RPTOR: variants seen among roughly 807,000 people sequenced by gnomAD.
RPTOR encodes the protein regulatory associated protein of MTOR complex 1, also known as regulatory-associated protein of mTOR.
RPTOR carries 21 observed loss-of-function variants against 169.9 expected under a neutral mutation model. The ratio of observed to expected loss-of-function variants is 0.12; its 90% CI spans 0.09 to 0.18. RPTOR has a LOEUF of 0.18. RPTOR is among the 10% of genes least tolerant of loss of function. The probability of loss-of-function intolerance (pLI) is 1.00; values close to 1 mark genes in which losing one functional copy is unlikely to be tolerated. For missense variants in RPTOR, 1,133 were observed against 1,855.9 expected (o/e 0.61, Z 7.16); for synonymous variants, 732 against 753.2 (o/e 0.97, Z 0.46).
intron 2 of RPTOR, among the ~76,000 whole-genome samples, chr17:80,631,872 G>C (rs1487368513): frequency 6.6e-6 from 1 of 152,148 alleles, no homozygotes; most frequent in African/African-American, 2.4e-5. Context: ...TTGGGAGGTC[G>C]AGGCTGCAAT....
chr17:80,860,019 C>A lies in RPTOR; in HGVS notation c.1509+2119C>A, dbSNP rs1051868503. On this transcript the variant is annotated intron_variant, in intron 13 of 33. Transcript: ENST00000306801. This position sits in a 1 kb window ranked among gnomAD's most constrained non-coding sequence, Gnocchi z 5.8. ...AGCAAGTACAGGAGAGTGCCAAGAA[C>A]ACCTTGGAGAGGCCATGGCTTGGAG... Among the ~76,000 whole-genome samples, 12 of 150,838 alleles carry A rather than the reference C, an allele frequency of 8.0e-5. No individual in the cohort carries two copies. The highest frequency in any genetic ancestry group is 7.3e-4 in the Admixed American group (11 of 15,114).
chr17:80,889,730 G>A (rs1029509504), intron 17 of RPTOR, among the ~76,000 whole-genome samples: 2 of 152,232 alleles, frequency 1.3e-5, no homozygotes, highest in Non-Finnish European at 2.9e-5. Flanking sequence ...CCAACGCAAA[G>A]GAGAGCTCTT....
chr17:80,803,904 G>C lies in RPTOR; in HGVS notation c.890+12395G>C, dbSNP rs916010672. Among the ~76,000 whole-genome samples the C allele has an allele frequency of 6.6e-6, 1 of 152,250 alleles. No individual in the cohort carries two copies. Among genetic ancestry groups the C allele is most frequent in the African/African-American group, 2.4e-5 (1 of 41,460 alleles). ...CACCTGGCCAGACGGGAGCAGCCATGCCGGGACCAGGGGCAGCGTTCCAGA... is the reference window on the plus strand; with the variant it reads ...CACCTGGCCAGACGGGAGCAGCCATCCCGGGACCAGGGGCAGCGTTCCAGA... On this transcript the variant is annotated intron_variant, in intron 7 of 33. Coordinates refer to ENST00000306801, the MANE Select transcript of RPTOR (RefSeq NM_020761.3). This position sits in a 1 kb window ranked among gnomAD's most constrained non-coding sequence, Gnocchi z 6.2.
intron 5 of RPTOR, among the ~76,000 whole-genome samples, chr17:80,738,418 C>T (rs1201443763): frequency 3.9e-5 from 6 of 152,200 alleles, no homozygotes; most frequent in African/African-American, 9.7e-5. Flanking sequence ...TGGCACCTTT[C>T]GTAACTCCGA....
intron 13 of RPTOR, among the ~76,000 whole-genome samples, chr17:80,876,029 A>G (rs2068106083): frequency 1.5e-5 from 1 of 66,118 alleles, no homozygotes; most frequent in African/African-American, 7.6e-5. Flanking sequence ...CGTGCCGCCC[A>G]GGATGTGTGT....
intron 1 of RPTOR, among the ~76,000 whole-genome samples, chr17:80,600,700 C>T (rs2065178655): frequency 1.3e-5 from 2 of 152,138 alleles, no homozygotes; most frequent in Admixed American, 1.3e-4. Flanking sequence ...GGTGACGAGA[C>T]CCCAGACTTC....
At chr17:80,733,860 G>A (rs1372196356) in intron 5 of RPTOR, among the ~76,000 whole-genome samples, 1 of 152,194 alleles carries the variant, frequency 6.6e-6, no homozygotes, top group East Asian at 1.9e-4. Context: ...GTGGTTTCAA[G>A]TAATATCCTT....
At chr17:80,793,940 A>G (rs2067075424) in intron 7 of RPTOR, among the ~76,000 whole-genome samples, 1 of 152,188 alleles carries the variant, frequency 6.6e-6, no homozygotes, top group Admixed American at 6.5e-5. Context: ...GGACAGCCCC[A>G]CTGTCGTCTG....
chr17:80,694,193 G>A (rs1488519835), intron 3 of RPTOR, among the ~76,000 whole-genome samples: 1 of 152,232 alleles, frequency 6.6e-6, no homozygotes, highest in East Asian at 1.9e-4. Flanking sequence ...CAGAGTGGGT[G>A]GGGAGGCGAC....
chr17:80,928,706 G>C (rs941898347), intron 24 of RPTOR, among the ~76,000 whole-genome samples: 1 of 152,192 alleles, frequency 6.6e-6, no homozygotes, highest in South Asian at 2.1e-4. Flanking sequence ...TACGGAGCTC[G>C]TGTCTACATT....
chr17:80,950,268 C>A, intron 28 of RPTOR, among the ~76,000 whole-genome samples: 1 of 152,240 alleles, frequency 6.6e-6, no homozygotes, highest in East Asian at 1.9e-4. Flanking sequence ...CCGCCAGCCC[C>A]CCTCTGCCGG....
At chr17:80,948,327 G>A (rs1016822667) in intron 27 of RPTOR, among the ~76,000 whole-genome samples, 38 of 152,350 alleles carry the variant, frequency 2.5e-4, no homozygotes, top group African/African-American at 8.4e-4. Flanking sequence ...TCCTCCGAGC[G>A]CTGCCCCCTC....
chr17:80,551,416 T>C (rs2084343770), intron 1 of RPTOR, among the ~76,000 whole-genome samples: 1 of 152,090 alleles, frequency 6.6e-6, no homozygotes, highest in Admixed American at 6.5e-5. Context: ...GAGAGGGGGA[T>C]GTGTCAGGGT....
chr17:80,688,659 A>C (rs4889877), intron 3 of RPTOR, among the ~76,000 whole-genome samples: 26,764 of 152,190 alleles, frequency 0.18, 3,758 homozygotes, highest in African/African-American at 0.39. Flanking sequence ...GGGACACTTT[A>C]AGCATCTCCG....
At chr17:80,637,741 G>T (rs2065519280) in intron 2 of RPTOR, among the ~76,000 whole-genome samples, 1 of 152,198 alleles carries the variant, frequency 6.6e-6, no homozygotes, top group South Asian at 2.1e-4. Context: ...GAATGCAAAG[G>T]TTTGTCAGAT....
At chr17:80,619,731 C>T (rs1186727224) in intron 1 of RPTOR, among the ~76,000 whole-genome samples, 2 of 152,160 alleles carry the variant, frequency 1.3e-5, no homozygotes, top group African/African-American at 4.8e-5. Flanking sequence ...GGGTGCTGCT[C>T]CAAACCCTCC....
At chr17:80,872,610 C>T (rs1346800636) in intron 13 of RPTOR, among the ~76,000 whole-genome samples, 1 of 152,200 alleles carries the variant, frequency 6.6e-6, no homozygotes, top group Non-Finnish European at 1.5e-5. Context: ...TGGAGGGAGA[C>T]AGTTGTATCA....
In RPTOR at chr17:80,665,431, TCC is replaced by T. The variant is rs1567846332; in HGVS notation, c.348+21622_348+21623del. Among the ~76,000 whole-genome samples the T allele has an allele frequency of 6.3e-3, 100 of 15,884 alleles. 5 individuals are homozygous for T. The highest frequency in any genetic ancestry group is 0.053 in the African/African-American group (96 of 1,826). The allele number at this position is 15,884 out of a possible 152,430, so 10.4% of individuals were successfully genotyped here. A position where few individuals can be genotyped will look rare whatever the true frequency, so the allele number is the denominator to read the frequency against. Reference sequence around the variant, plus strand: ...TCCTTTCCTTTCCTTTCCTTTCCTTTCCTTTCCTTTCCTTTCCTTTCCTTTCC... The same window carrying T: ...TCCTTTCCTTTCCTTTCCTTTCCTTTTTTCCTTTCCTTTCCTTTCCTTTCC... On this transcript the variant is annotated intron_variant, in intron 3 of 33. Transcript: ENST00000306801.
At chr17:80,943,838 G>GTCAGGTGAGGACACGGTTAGTAA (rs11271209) in intron 25 of RPTOR, among the ~76,000 whole-genome samples, 218 of 151,868 alleles carry the variant, frequency 1.4e-3, no homozygotes, top group Middle Eastern at 3.4e-3. Flanking sequence ...GTAAGAGCCA[G>GTCAGGTGAGGACACGGTTAGTAA]GCGGTGTCTC....
Sources: gnomAD v4.1 joint callset for allele counts (sites outside exome capture counted in the v4.1 genomes callset) on GRCh38, gnomAD v4.1.1 for gene constraint, Gnocchi (gnomAD v3.1) non-coding constraint, MANE v1.5 for transcripts, NCBI Gene and HGNC (gene_info 2026-07-23, HGNC 2026-07-21) for gene names.